The following IQCF6 variants were observed in gnomAD, a reference collection of about 807,000 sequenced individuals.
IQCF6 encodes the protein IQ motif containing F6, also known as IQ domain-containing protein F6.
In IQCF6, 15 loss-of-function variants were observed where a neutral mutation model predicts 16.8. The ratio of observed to expected loss-of-function variants is 0.89; its 90% CI spans 0.60 to 1.37. IQCF6 has a LOEUF of 1.37. IQCF6 is among the 40% of genes most tolerant of loss of function. IQCF6 has a pLI of 0.00. For missense variants in IQCF6, 169 were observed against 197.4 expected (o/e 0.86, Z 0.86); for synonymous variants, 64 against 72.8 (o/e 0.88, Z 0.61).
In IQCF6 at chr3:51,778,811, C is replaced by A. The variant is rs1025241857; in HGVS notation, c.253G>T (p.Val85Leu). 1 of 1,551,860 alleles carries A rather than the reference C, an allele frequency of 6.4e-7. No homozygotes were observed. Among genetic ancestry groups the A allele is most frequent in the Non-Finnish European group, 8.7e-7 (1 of 1,147,022 alleles). ...LRLYTCQEWA[V>L]VKVQAQVRMW... ...CGAACCTGTGCCTGCACCTTCACCA[C>A]CGCCCACTCCTGGCAGGTATAGAGT... Residue 85 changes from valine (V) to leucine (L), a missense_variant, in exon 2 of 2, where the codon GTG becomes TTG. Coordinates refer to ENST00000667863, the MANE Select transcript of IQCF6 (RefSeq NM_001368369.1).
At position 51,778,571 on chromosome 3, in the gene IQCF6, G is replaced by C; in HGVS notation, c.*52C>G. 1 of 1,471,610 alleles carries C rather than the reference G, an allele frequency of 6.8e-7. No homozygotes were observed. The highest frequency in any genetic ancestry group is 9.0e-7 in the Non-Finnish European group (1 of 1,105,692). 91.2% of individuals were successfully genotyped at this position (1,471,610 alleles called of 1,614,324 possible). A position where few individuals can be genotyped will look rare whatever the true frequency, so the allele number is the denominator to read the frequency against. The stretch of plus-strand genomic sequence containing the variant: ...TCTCCAAAGGGCAAGTGTATGGTCA[G>C]TAAGGGTCTTTATTGGAAGAGAGAT... On this transcript the variant is annotated 3_prime_UTR_variant, in exon 2 of 2. Coordinates refer to ENST00000667863, the MANE Select transcript of IQCF6 (RefSeq NM_001368369.1).
In IQCF6 at chr3:51,779,214, T is replaced by A. The variant is rs1704823451; in HGVS notation, c.11A>T (p.Gln4Leu). 7.3e-7 allele frequency: 1 copy of A among 1,365,736 alleles called. No homozygotes were observed. Among genetic ancestry groups the A allele is most frequent in the African/African-American group, 1.4e-5 (1 of 69,104 alleles). 84.6% of individuals were successfully genotyped at this position (1,365,736 alleles called of 1,614,324 possible). A position where few individuals can be genotyped will look rare whatever the true frequency, so the allele number is the denominator to read the frequency against. Reference protein sequence around the residue: MDTQNVSKALAVGT... With the variant: MDTLNVSKALAVGT... ...TACTGCAAGGGCCTTACTCACATTT[T>A]GCGTGTCCATGGCCTTGATCCTTAG... is the stretch of plus-strand genomic sequence containing the variant. The change falls in exon 1 of 2, where the codon CAA (glutamine) becomes CTA (leucine). Residue 4 changes from glutamine (Q) to leucine (L), a missense_variant. Gln to Leu is a moderately radical substitution (Grantham distance 113, BLOSUM62 -2). Coordinates refer to ENST00000667863, the MANE Select transcript of IQCF6 (RefSeq NM_001368369.1).
In IQCF6 at chr3:51,778,998, G is replaced by A. The variant is rs1037193671; in HGVS notation, c.73-7C>T. 1 of 1,514,048 alleles carries A rather than the reference G, an allele frequency of 6.6e-7. No homozygotes were observed. Among genetic ancestry groups the A allele is most frequent in the Non-Finnish European group, 8.9e-7 (1 of 1,124,186 alleles). 93.8% of individuals were successfully genotyped at this position (1,514,048 alleles called of 1,614,324 possible). On this transcript the variant is annotated splice_polypyrimidine_tract_variant and splice_region_variant and intron_variant, in intron 1 of 1. Coordinates refer to ENST00000667863, the MANE Select transcript of IQCF6 (RefSeq NM_001368369.1). Reference sequence around the variant, plus strand: ...TTATGGCTGTCTTCTCTAACTGATTGGGGGAAAGGAAAAACAGGGAGATGC... The same window carrying A: ...TTATGGCTGTCTTCTCTAACTGATTAGGGGAAAGGAAAAACAGGGAGATGC...
At position 51,778,621 on chromosome 3, in the gene IQCF6, C is replaced by T; in HGVS notation, c.*2G>A. On this transcript the variant is annotated 3_prime_UTR_variant, in exon 2 of 2. Transcript: ENST00000667863. ...TCCAGCCTCCTTGGCTCTGTCAGCG[C>T]CCTAGGTCATGAGGATTTCGATGTC... is the stretch of plus-strand genomic sequence containing the variant. 6.5e-7 allele frequency: 1 copy of T among 1,527,506 alleles called. No homozygotes were observed. The highest frequency in any genetic ancestry group is 8.8e-7 in the Non-Finnish European group (1 of 1,131,430). The allele number at this position is 1,527,506 out of a possible 1,614,324, so 94.6% of individuals were successfully genotyped here.
rs1164438890 is a variant in IQCF6 at position 51,778,968 on chromosome 3, A to C, written c.96T>G (p.Ile32Met). The change falls in exon 2 of 2, where the codon ATT becomes ATG. Residue 32 changes from isoleucine (I) to methionine (M), a missense_variant. Transcript: ENST00000667863. ...CLNLEKTAIK[I>M]QSWWRGNMVR... is the part of the protein sequence containing the mutation. ...CCATGTTTCCACGCCACCATGACTG[A>C]ATCTTTATGGCTGTCTTCTCTAACT... 26 of 1,542,280 alleles carry C rather than the reference A, an allele frequency of 1.7e-5. No homozygotes were observed. The highest frequency in any genetic ancestry group is 2.3e-5 in the Non-Finnish European group (26 of 1,140,334).
chr3:51,778,947 G>A lies in IQCF6; in HGVS notation c.117C>T (p.Asn39=). The change falls in exon 2 of 2, where the codon AAC becomes AAT. Residue 39 remains asparagine (N), a synonymous_variant. Transcript: ENST00000667863. ...CCTGCAGTAACGTCCGGCGCACCATGTTTCCACGCCACCATGACTGAATCT... is the reference window on the plus strand; with the variant it reads ...CCTGCAGTAACGTCCGGCGCACCATATTTCCACGCCACCATGACTGAATCT... ...AIKIQSWWRG[N]MVRRTLLQAA... is the part of the protein sequence containing the mutation. 1.3e-6 allele frequency: 2 copies of A among 1,546,476 alleles called. No homozygotes were observed. Among genetic ancestry groups the A allele is most frequent in the East Asian group, 2.5e-5 (1 of 40,718 alleles).
rs1233717532 is a variant in IQCF6 at position 51,778,590 on chromosome 3, G to A, written c.*33C>T. 2 of 1,482,128 alleles carry A rather than the reference G, an allele frequency of 1.3e-6. No individual in the cohort carries two copies. The highest frequency in any genetic ancestry group is 1.8e-6 in the Non-Finnish European group (2 of 1,110,900). The allele number at this position is 1,482,128 out of a possible 1,614,324, so 91.8% of individuals were successfully genotyped here. A position where few individuals can be genotyped will look rare whatever the true frequency, so the allele number is the denominator to read the frequency against. ...TGGTCAGTAAGGGTCTTTATTGGAA[G>A]AGAGATCCAGCCTCCTTGGCTCTGT... is the stretch of plus-strand genomic sequence containing the variant. On this transcript the variant is annotated 3_prime_UTR_variant, in exon 2 of 2. Transcript: ENST00000667863.
chr3:51,779,028 T>TG, intron 1 of IQCF6, 37 bp from the exon 2 acceptor site: 2 of 1,490,710 alleles, frequency 1.3e-6, no homozygotes, highest in Non-Finnish European at 9.0e-7. Flanking sequence ...AGATGCTCAA[T>TG]GGGGGACCCT....
Position 51,779,197 on chromosome 3 carries a change from G to A in IQCF6, c.28C>T (p.Leu10Phe), listed in dbSNP as rs531097121. 147 of 1,386,564 alleles carry A rather than the reference G, an allele frequency of 1.1e-4. No homozygotes were observed. The highest frequency in any genetic ancestry group is 5.4e-4 in the Admixed American group (18 of 33,556). The allele number at this position is 1,386,564 out of a possible 1,614,324, so 85.9% of individuals were successfully genotyped here. ...CCTGTCAGGTAAGTCCCTACTGCAA[G>A]GGCCTTACTCACATTTTGCGTGTCC... MDTQNVSKALAVGTYLTGNE... is the reference protein window; with the variant it reads MDTQNVSKAFAVGTYLTGNE... The change falls in exon 1 of 2, where the codon CTT becomes TTT. Residue 10 changes from leucine to phenylalanine, a missense_variant. By Grantham distance (22) the Leu-to-Phe change is conservative. Transcript: ENST00000667863.
chr3:51,778,953 A>G lies in IQCF6; in HGVS notation c.111T>C (p.Arg37=). 6.5e-7 allele frequency: 1 copy of G among 1,546,386 alleles called. No homozygotes were observed. Among genetic ancestry groups the G allele is most frequent in the Non-Finnish European group, 8.8e-7 (1 of 1,142,784 alleles). The change falls in exon 2 of 2, where the codon CGT becomes CGC. Residue 37 remains arginine (R), a synonymous_variant. Transcript: ENST00000667863. ...KTAIKIQSWW[R]GNMVRRTLLQ... ...GTAACGTCCGGCGCACCATGTTTCC[A>G]CGCCACCATGACTGAATCTTTATGG... is the stretch of plus-strand genomic sequence containing the variant.
In IQCF6 at chr3:51,778,625, A is replaced by C. The variant is rs1240455673; in HGVS notation, c.439T>G (p.Ter147GluextTer14). The C allele has an allele frequency of 2.0e-6, 3 of 1,530,402 alleles. No homozygotes were observed. The highest frequency in any genetic ancestry group is 2.6e-6 in the Non-Finnish European group (3 of 1,132,772). The allele number at this position is 1,530,402 out of a possible 1,614,324, so 94.8% of individuals were successfully genotyped here. Residue 147 changes from the stop codon to glutamate, a stop_lost, in exon 2 of 2, where the codon TAG (stop) becomes GAG (glutamate). Transcript: ENST00000667863. The part of the protein sequence containing the change: ...LELDIEILMT[*>E] ...GCCTCCTTGGCTCTGTCAGCGCCCT[A>C]GGTCATGAGGATTTCGATGTCAAGC...
At chr3:51,779,124 A>G (rs965488681) in intron 1 of IQCF6, 29 bp downstream of exon 1, 4 of 1,430,850 alleles carry the variant, frequency 2.8e-6, no homozygotes, top group African/African-American at 1.4e-5. Context: ...TCTAGGGCCC[A>G]TCCATCTTGT....
chr3:51,779,084 G>T, intron 1 of IQCF6, 69 bp downstream of exon 1: 1 of 1,438,238 alleles, frequency 7.0e-7, no homozygotes, highest in Non-Finnish European at 9.1e-7. Context: ...AGGAAAGAAG[G>T]CCTGGCCCAG....
chr3:51,778,625 A>G lies in IQCF6; in HGVS notation c.439T>C (p.Ter147GlnextTer14). Residue 147 changes from the stop codon to glutamine (Q), a stop_lost, in exon 2 of 2, where the codon TAG becomes CAG. Transcript: ENST00000667863. The part of the protein sequence containing the change: ...LELDIEILMT[*>Q] ...GCCTCCTTGGCTCTGTCAGCGCCCT[A>G]GGTCATGAGGATTTCGATGTCAAGC... 6.5e-7 allele frequency: 1 copy of G among 1,530,402 alleles called. No homozygotes were observed. Among genetic ancestry groups the G allele is most frequent in the Non-Finnish European group, 8.8e-7 (1 of 1,132,772 alleles). 94.8% of individuals were successfully genotyped at this position (1,530,402 alleles called of 1,614,324 possible).
chr3:51,778,824 G>A lies in IQCF6; in HGVS notation c.240C>T (p.Cys80=), dbSNP rs772408661. ...GCACCTTCACCACCGCCCACTCCTG[G>A]CAGGTATAGAGTCTTAGTGCCAGGC... is the stretch of plus-strand genomic sequence containing the variant. The part of the protein sequence containing the change: ...RRRLALRLYT[C]QEWAVVKVQA... Residue 80 remains cysteine, a synonymous_variant, in exon 2 of 2, where the codon TGC becomes TGT. Coordinates refer to ENST00000667863, the MANE Select transcript of IQCF6 (RefSeq NM_001368369.1). 4.5e-6 allele frequency: 7 copies of A among 1,551,836 alleles called. No homozygotes were observed. In the East Asian group the frequency reaches 1.2e-4, roughly 27 times the overall value.
chr3:51,779,100 C>T, intron 1 of IQCF6, 53 bp downstream of exon 1: 1 of 1,435,384 alleles, frequency 7.0e-7, no homozygotes, highest in Non-Finnish European at 9.1e-7. Context: ...CCCAGGTGCC[C>T]CTGACTTCTT....
In IQCF6 at chr3:51,778,918, G is replaced by A. The variant is rs1333290323; in HGVS notation, c.146C>T (p.Ala49Val). 2 of 1,551,296 alleles carry A rather than the reference G, an allele frequency of 1.3e-6. No homozygotes were observed. Residue 49 changes from alanine to valine, a missense_variant, in exon 2 of 2, where the codon GCA (alanine) becomes GTA (valine). Transcript: ENST00000667863. ...NMVRRTLLQA[A>V]LRAWVIQCWW... ...GCACTGGATGACCCAGGCTCTGAGT[G>A]CTGCCTGCAGTAACGTCCGGCGCAC...
In IQCF6 at chr3:51,779,056, C is replaced by A; in HGVS notation, c.73-65G>T. On this transcript the variant is annotated intron_variant, in intron 1 of 1. Transcript: ENST00000667863. ...GGGACCCTCCCCTCCTGTTCCTATC[C>A]CCATCTCTGATCTTGGGAGGAAAGA... 4.8e-6 allele frequency: 7 copies of A among 1,452,456 alleles called. No homozygotes were observed. The South Asian group carries it at 1.0e-4, about 21-fold the overall frequency. The allele number at this position is 1,452,456 out of a possible 1,614,324, so 90.0% of individuals were successfully genotyped here.
rs761366056 is a variant in IQCF6 at position 51,778,904 on chromosome 3, C to T, written c.160G>A (p.Val54Ile). 1 of 1,551,936 alleles carries T rather than the reference C, an allele frequency of 6.4e-7. No homozygotes were observed. Among genetic ancestry groups the T allele is most frequent in the South Asian group, 1.2e-5 (1 of 84,060 alleles). ...TLLQAALRAW[V>I]IQCWWRSMQA... ...ATTGACCTCCACCAGCACTGGATGA[C>T]CCAGGCTCTGAGTGCTGCCTGCAGT... is the stretch of plus-strand genomic sequence containing the variant. The change falls in exon 2 of 2, where the codon GTC (valine) becomes ATC (isoleucine). Residue 54 changes from valine (V) to isoleucine (I), a missense_variant. Coordinates refer to ENST00000667863, the MANE Select transcript of IQCF6 (RefSeq NM_001368369.1).
Sources: allele counts gnomAD v4.1 joint callset, GRCh38; gene constraint gnomAD v4.1.1; transcripts MANE v1.5; gene names NCBI Gene and HGNC (gene_info 2026-07-23, HGNC 2026-07-21).